The following RTL4 variants were observed in gnomAD, a reference collection of about 807,000 sequenced individuals.
The protein encoded by RTL4 is retrotransposon Gag-like protein 4.
In RTL4, 4 loss-of-function variants were observed where a neutral mutation model predicts 5.3. That is an observed-to-expected ratio of 0.75 (90% CI 0.37 to 1.72). The LOEUF is 1.72. RTL4 is among the 40% of genes most tolerant of loss of function. The probability of loss-of-function intolerance (pLI) is 0.04; values close to 1 mark genes in which losing one functional copy is unlikely to be tolerated. For synonymous variants in RTL4, 98 were observed against 87.3 expected (o/e 1.12, Z -0.68); for missense variants, 260 against 227.1 (o/e 1.14, Z -0.93).
chrX:112,096,895 C>A, the RTL4 span, among the ~76,000 whole-genome samples: 1 of 112,279 alleles, frequency 8.9e-6, no homozygotes, highest in African/African-American at 3.2e-5. Context: ...CCAAAGTAAG[C>A]GTTTATTCTT....
the RTL4 span, among the ~76,000 whole-genome samples, chrX:112,204,799 C>T: frequency 1.8e-5 from 2 of 111,129 alleles, no homozygotes; most frequent in Non-Finnish European, 3.8e-5. Flanking sequence ...TTTAAAATAA[C>T]TTATAGAGTA....
At chrX:112,085,736 A>G in the RTL4 span, among the ~76,000 whole-genome samples, 4 of 112,018 alleles carry the variant, frequency 3.6e-5, no homozygotes, top group Non-Finnish European at 5.6e-5. Flanking sequence ...AGTGCCATTT[A>G]AGGTAATGTC....
At chrX:112,289,878 T>C in the RTL4 span, among the ~76,000 whole-genome samples, 2 of 111,403 alleles carry the variant, frequency 1.8e-5, no homozygotes, top group African/African-American at 6.5e-5. Flanking sequence ...TGTTATTATC[T>C]TCATTTTGTA....
the RTL4 span, among the ~76,000 whole-genome samples, chrX:112,087,835 C>T: frequency 9.0e-6 from 1 of 111,424 alleles, no homozygotes; most frequent in African/African-American, 3.3e-5. Context: ...TAATATATAG[C>T]AGTAGCTCAC....
chrX:112,182,287 A>C, the RTL4 span, among the ~76,000 whole-genome samples: 1 of 111,843 alleles, frequency 8.9e-6, no homozygotes, highest in Non-Finnish European at 1.9e-5. Flanking sequence ...CCTCCAAAGG[A>C]TCATAACTCC....
chrX:112,281,991 T>G, the RTL4 span, among the ~76,000 whole-genome samples: 1 of 112,316 alleles, frequency 8.9e-6, no homozygotes, highest in Non-Finnish European at 1.9e-5. Flanking sequence ...TTTAGTTTGA[T>G]ATAATCTCAC....
At chrX:112,453,032 C>CAAA (rs10680168), upstream of RTL4, among the ~76,000 whole-genome samples, 169 of 96,050 alleles carry the variant, frequency 1.8e-3, no homozygotes, top group Middle Eastern at 0.011. Flanking sequence ...GACTCTGTCT[C>CAAA]AAAAAAAAAA....
chrX:112,396,682 C>T, the RTL4 span, among the ~76,000 whole-genome samples: 78 of 107,879 alleles, frequency 7.2e-4, no homozygotes, highest in Non-Finnish European at 1.2e-3. Context: ...ACAATATTGA[C>T]GCATTATTAT....
chrX:112,201,373 T>C, the RTL4 span, among the ~76,000 whole-genome samples: 1 of 111,270 alleles, frequency 9.0e-6, no homozygotes, highest in East Asian at 2.8e-4. Flanking sequence ...CTACTATTTG[T>C]AGTTTGTTGT....
the RTL4 span, among the ~76,000 whole-genome samples, chrX:112,151,107 C>T: frequency 8.9e-6 from 1 of 112,100 alleles, no homozygotes; most frequent in African/African-American, 3.2e-5. Flanking sequence ...TAAATCTCCT[C>T]CTTTTATAAC....
the RTL4 span, among the ~76,000 whole-genome samples, chrX:112,433,038 T>A: frequency 1.8e-5 from 2 of 110,254 alleles, no homozygotes; most frequent in Non-Finnish European, 3.8e-5. Context: ...GATCAGATAG[T>A]TGTAGATATG....
At chrX:112,369,200 C>A in the RTL4 span, among the ~76,000 whole-genome samples, 3 of 112,622 alleles carry the variant, frequency 2.7e-5, no homozygotes, top group Non-Finnish European at 5.6e-5. Flanking sequence ...AGCTTTAGGC[C>A]CCATGGGTGG....
the RTL4 span, among the ~76,000 whole-genome samples, chrX:112,261,924 A>G: frequency 8.9e-6 from 1 of 111,826 alleles, no homozygotes; most frequent in African/African-American, 3.3e-5. Context: ...ACAAACCTGA[A>G]AAAAACAAGC....
chrX:112,103,431 T>C, the RTL4 span, among the ~76,000 whole-genome samples: 1 of 109,856 alleles, frequency 9.1e-6, no homozygotes, highest in Non-Finnish European at 1.9e-5. Flanking sequence ...GCTATGGGGG[T>C]GGAGGGAGGG....
chrX:112,452,253 G>A (rs1926751918), upstream of RTL4, among the ~76,000 whole-genome samples: 1 of 90,301 alleles, frequency 1.1e-5, no homozygotes, highest in Non-Finnish European at 2.2e-5. Flanking sequence ...ACCACGCGCA[G>A]CTAATTTTTT....
At chrX:112,083,058 A>T in the RTL4 span, among the ~76,000 whole-genome samples, 1 of 109,960 alleles carries the variant, frequency 9.1e-6, no homozygotes, top group Admixed American at 9.6e-5. Context: ...AGGAAGCCGC[A>T]GCCGCAGCCC....
At chrX:112,345,272 A>G in the RTL4 span, among the ~76,000 whole-genome samples, 1 of 111,054 alleles carries the variant, frequency 9.0e-6, no homozygotes, top group African/African-American at 3.3e-5. Flanking sequence ...TGTCACTGTT[A>G]GAACTCTCAG....
chrX:112,129,555 T>C, the RTL4 span, among the ~76,000 whole-genome samples: 1 of 112,143 alleles, frequency 8.9e-6, no homozygotes, highest in African/African-American at 3.2e-5. Flanking sequence ...AACATTTTAG[T>C]TAAAGGTGAA....
chrX:112,328,913 G>A, the RTL4 span, among the ~76,000 whole-genome samples: 1 of 111,735 alleles, frequency 8.9e-6, no homozygotes, highest in African/African-American at 3.3e-5. Context: ...TGACTACTGG[G>A]TACATAACGA....
Sources: allele counts gnomAD v4.1 joint callset (sites outside exome capture counted in the v4.1 genomes callset), GRCh38; gene constraint gnomAD v4.1.1; transcripts MANE v1.5; gene names NCBI Gene and HGNC (gene_info 2026-07-23, HGNC 2026-07-21).